CTNNA3: variants seen among roughly 807,000 people sequenced by gnomAD.
The protein encoded by CTNNA3 is catenin alpha-3.
In CTNNA3, 76 loss-of-function variants were observed where a neutral mutation model predicts 95.7. The observed-to-expected ratio is 0.79, with a 90% CI of 0.66 to 0.96. CTNNA3 has a LOEUF of 0.96. CTNNA3 is among the 40% of genes least tolerant of loss of function. The pLI is 0.00. For synonymous variants in CTNNA3, 431 were observed against 374.4 expected, an observed-to-expected ratio of 1.15 and a Z score of -1.74; for missense variants, 1,191 against 1,089.8, an observed-to-expected ratio of 1.09 and a Z score of -1.31.
At chr10:66,427,423 G>C (rs1463148548) in intron 11 of CTNNA3, among the ~76,000 whole-genome samples, 2 of 151,820 alleles carry the variant, frequency 1.3e-5, no homozygotes, top group African/African-American at 4.8e-5. Flanking sequence ...CTTACGGTTG[G>C]AACTGTCTTA....
intron 7 of CTNNA3, among the ~76,000 whole-genome samples, chr10:66,869,764 T>C (rs1373905962): frequency 6.6e-6 from 1 of 152,054 alleles, no homozygotes; most frequent in East Asian, 1.9e-4. Context: ...AAGTGTATCA[T>C]CTTGAATAAA....
chr10:67,676,493 T>C (rs1049397186), intron 1 of CTNNA3, among the ~76,000 whole-genome samples: 12 of 152,208 alleles, frequency 7.9e-5, no homozygotes, highest in Non-Finnish European at 1.5e-4. Flanking sequence ...CTAAAACCAC[T>C]TCCCAATTGC....
intron 7 of CTNNA3, among the ~76,000 whole-genome samples, chr10:66,856,953 G>A (rs995719302): frequency 6.6e-6 from 1 of 151,958 alleles, no homozygotes; most frequent in Non-Finnish European, 1.5e-5. Flanking sequence ...AATTGCTTTT[G>A]GCATTTTTGT....
chr10:66,867,944 A>AT (rs1257155542), intron 7 of CTNNA3, among the ~76,000 whole-genome samples: 1 of 149,614 alleles, frequency 6.7e-6, no homozygotes, highest in African/African-American at 2.5e-5. Context: ...AATGCCAAAT[A>AT]TTTTTCTGCT....
intron 10 of CTNNA3, among the ~76,000 whole-genome samples, chr10:66,568,687 A>C (rs1180477276): frequency 1.3e-5 from 2 of 151,974 alleles, no homozygotes; most frequent in African/African-American, 2.4e-5. Context: ...GGAGCAATAG[A>C]ACCAAAGTTC....
At chr10:66,973,274 G>A (rs1849827335) in intron 7 of CTNNA3, among the ~76,000 whole-genome samples, 1 of 152,018 alleles carries the variant, frequency 6.6e-6, no homozygotes, top group Admixed American at 6.5e-5. Context: ...TATGAGTTTT[G>A]AAAAAGAAAA....
intron 7 of CTNNA3, among the ~76,000 whole-genome samples, chr10:67,044,185 A>C (rs1422384647): frequency 1.3e-5 from 2 of 152,138 alleles, no homozygotes; most frequent in African/African-American, 2.4e-5. Flanking sequence ...ATAAGTGAGA[A>C]CATGTAATAT....
At chr10:66,024,314 C>A (rs891733527) in intron 15 of CTNNA3, among the ~76,000 whole-genome samples, 4 of 152,194 alleles carry the variant, frequency 2.6e-5, no homozygotes, top group East Asian at 3.9e-4. Flanking sequence ...TGGTCTCGAT[C>A]TCCTGACCTC....
chr10:66,711,349 A>G (rs1848288173), intron 9 of CTNNA3, among the ~76,000 whole-genome samples: 1 of 151,836 alleles, frequency 6.6e-6, no homozygotes, highest in South Asian at 2.1e-4. Context: ...AGAAATTTTA[A>G]TTGAAACATT....
At chr10:66,674,163 G>T (rs1846763343) in intron 9 of CTNNA3, among the ~76,000 whole-genome samples, 1 of 151,924 alleles carries the variant, frequency 6.6e-6, no homozygotes, top group Non-Finnish European at 1.5e-5. Flanking sequence ...AATATTTGCT[G>T]AGATTTTCTA....
Position 67,638,432 on chromosome 10 carries a change from C to T in CTNNA3, c.99+8983G>A, listed in dbSNP as rs552311155. ...ATGGGAGACTTTAACACCCCACTGT[C>T]AACATTAGACAGATCAGTGAGACAG... On this transcript the variant is annotated intron_variant, in intron 2 of 17. Transcript: ENST00000433211. Among the ~76,000 whole-genome samples, 1,198 of 152,228 alleles carry T rather than the reference C, an allele frequency of 7.9e-3. 22 individuals are homozygous for T. Among genetic ancestry groups the T allele is most frequent in the African/African-American group, 0.028 (1,144 of 41,524 alleles).
intron 5 of CTNNA3, among the ~76,000 whole-genome samples, chr10:67,325,423 G>A (rs947340593): frequency 6.6e-6 from 1 of 152,080 alleles, no homozygotes; most frequent in African/African-American, 2.4e-5. Flanking sequence ...AAAGATTCTG[G>A]TATGTTGTAT....
intron 7 of CTNNA3, among the ~76,000 whole-genome samples, chr10:66,889,503 G>A (rs1051942715): frequency 4.6e-5 from 7 of 152,084 alleles, no homozygotes; most frequent in Non-Finnish European, 7.3e-5. Flanking sequence ...TCTTCCATTC[G>A]ATTTTGCTGT....
At chr10:67,013,236 C>G (rs574790955) in intron 7 of CTNNA3, among the ~76,000 whole-genome samples, 2 of 151,594 alleles carry the variant, frequency 1.3e-5, no homozygotes, top group East Asian at 3.9e-4. Flanking sequence ...GTCCTTAATA[C>G]TCTATTAAGT....
At chr10:66,616,147 A>G (rs1844503558) in intron 10 of CTNNA3, among the ~76,000 whole-genome samples, 1 of 152,016 alleles carries the variant, frequency 6.6e-6, no homozygotes. Context: ...CAGATCCATT[A>G]GAGGATCTAA....
chr10:66,225,835 A>G (rs2089254389), intron 13 of CTNNA3, among the ~76,000 whole-genome samples: 1 of 151,948 alleles, frequency 6.6e-6, no homozygotes, highest in Non-Finnish European at 1.5e-5. Flanking sequence ...GATATTGAAC[A>G]TTTTTAAATA....
At chr10:66,821,146 C>T (rs920485694) in intron 7 of CTNNA3, among the ~76,000 whole-genome samples, 1 of 152,086 alleles carries the variant, frequency 6.6e-6, no homozygotes, top group African/African-American at 2.4e-5. Context: ...TAAGTCTATT[C>T]ATGCACATAG....
chr10:67,322,954 CATTTCTTTA>C (rs1423430971), intron 5 of CTNNA3, among the ~76,000 whole-genome samples: 1 of 152,138 alleles, frequency 6.6e-6, no homozygotes, highest in Admixed American at 6.6e-5. Context: ...TTTTGATTTG[CATTTCTTTA>C]ATGATCAGTG....
intron 8 of CTNNA3, 65 bp downstream of exon 8, chr10:66,775,379 C>T (rs1840252438): frequency 1.9e-6 from 2 of 1,052,222 alleles, no homozygotes; most frequent in Non-Finnish European, 1.4e-6. Flanking sequence ...ACAAATATGC[C>T]TGCAATGAAT....
Sources: allele counts gnomAD v4.1 joint callset (sites outside exome capture counted in the v4.1 genomes callset), GRCh38; gene constraint gnomAD v4.1.1; transcripts MANE v1.5; gene names NCBI Gene and HGNC (gene_info 2026-07-23, HGNC 2026-07-21).